The following TEX264 variants were observed in gnomAD, a reference collection of about 807,000 sequenced individuals.
The protein encoded by TEX264 is testis-expressed protein 264.
Under a neutral mutation model 23.4 loss-of-function variants are expected in TEX264, and 13 were observed. The observed-to-expected ratio is 0.56, with a 90% confidence interval of 0.36 to 0.88. TEX264 has a LOEUF of 0.88. TEX264 is among the 40% of genes least tolerant of loss of function. The probability of loss-of-function intolerance (pLI) is 0.01; values close to 1 mark genes in which losing one functional copy is unlikely to be tolerated. For synonymous variants in TEX264, 159 were observed against 170.0 expected (o/e 0.94, Z 0.50); for missense variants, 340 against 406.8 (o/e 0.84, Z 1.41).
chr3:51,695,665 G>T (rs958850131), intron 3 of TEX264, among the ~76,000 whole-genome samples: 5 of 152,208 alleles, frequency 3.3e-5, no homozygotes, highest in African/African-American at 1.2e-4. Flanking sequence ...AGCTGAATGG[G>T]GTAAATGCCT....
Position 51,684,477 on chromosome 3 carries a change from C to A in TEX264, c.323C>A (p.Ser108Tyr). The change falls in exon 3 of 5, where the codon TCC (serine) becomes TAC (tyrosine). Residue 108 changes from serine (S) to tyrosine (Y), a missense_variant. Transcript: ENST00000341333. ...CTGAGTGAAGGTGAGGAATCGCCCTCCCCTGAGCTCATCGACCTCTACCAG... is the reference window on the plus strand; with the variant it reads ...CTGAGTGAAGGTGAGGAATCGCCCTACCCTGAGCTCATCGACCTCTACCAG... ...SILSEGEESPSPELIDLYQKF... is the reference protein window; with the variant it reads ...SILSEGEESPYPELIDLYQKF... 2 of 1,614,208 alleles carry A rather than the reference C, an allele frequency of 1.2e-6. No individual in the cohort carries two copies. The highest frequency in any genetic ancestry group is 1.7e-6 in the Non-Finnish European group (2 of 1,180,036).
chr3:51,699,385 C>T (rs1214577329), intron 3 of TEX264, 21 bp from the exon 4 acceptor site: 1 of 1,611,416 alleles, frequency 6.2e-7, no homozygotes, highest in East Asian at 2.2e-5. Flanking sequence ...CTCATTCTAC[C>T]TTTTGCCACT....
intron 3 of TEX264, among the ~76,000 whole-genome samples, chr3:51,690,746 CTT>C (rs767518958): frequency 2.6e-5 from 4 of 152,236 alleles, no homozygotes; most frequent in Non-Finnish European, 4.4e-5. Context: ...ACTGAGGTCT[CTT>C]GTGTGTGTCA....
intron 2 of TEX264, among the ~76,000 whole-genome samples, chr3:51,681,029 G>A (rs1348160757): frequency 1.3e-5 from 2 of 152,200 alleles, no homozygotes; most frequent in African/African-American, 2.4e-5. Flanking sequence ...ACTTTGCATG[G>A]GGCCACTTAG....
intron 3 of TEX264, among the ~76,000 whole-genome samples, chr3:51,694,081 GTCCGTCCTTCCTTCCT>G (rs1702953718): frequency 1.8e-5 from 1 of 56,762 alleles, no homozygotes; most frequent in East Asian, 4.6e-4. Context: ...CCTTCCTTCC[GTCCGTCCTTCCTTCCT>G]TCCTTCCTTC....
intron 4 of TEX264, among the ~76,000 whole-genome samples, chr3:51,702,169 A>G (rs1180093457): frequency 6.6e-6 from 1 of 152,160 alleles, no homozygotes; most frequent in Non-Finnish European, 1.5e-5. Flanking sequence ...AGGGCCAGGG[A>G]GAAACTGTCT....
At chr3:51,683,849 G>C (rs1373956780) in intron 2 of TEX264, 1 of 156,432 alleles carries the variant, frequency 6.4e-6, no homozygotes, top group East Asian at 1.9e-4. Flanking sequence ...GGAGGGCTCT[G>C]AGCTCTTTAT....
At position 51,677,945 on chromosome 3, in the gene TEX264, G is replaced by A. The variant is rs147062552; in HGVS notation, c.258+3383G>A. Among the ~76,000 whole-genome samples, 429 of 152,300 alleles carry A rather than the reference G, an allele frequency of 2.8e-3. 3 individuals are homozygous for A. The highest frequency in any genetic ancestry group is 9.8e-3 in the African/African-American group (407 of 41,568). On this transcript the variant is annotated intron_variant, in intron 2 of 4. Transcript: ENST00000341333. ...GTCTTTTGGGAAGTGGACAGACCCT[G>A]GCAGGGGCTCATGGGTGTACTCACC...
intron 3 of TEX264, among the ~76,000 whole-genome samples, chr3:51,688,770 G>A (rs1291314802): frequency 1.3e-5 from 2 of 152,152 alleles, no homozygotes; most frequent in East Asian, 3.9e-4. Flanking sequence ...GAGCCTGTGA[G>A]GGGAACCTTG....
At position 51,703,830 on chromosome 3, in the gene TEX264, G is replaced by T. The variant is rs200027537; in HGVS notation, c.756G>T (p.Trp252Cys). The stretch of plus-strand genomic sequence containing the variant: ...CACCTGGGGCGAGCAGCCGTGGCTG[G>T]GATGACGGTGACACCCGCAGCGAGC... ...TLSPGASSRG[W>C]DDGDTRSEHS... is the part of the protein sequence containing the mutation. The change falls in exon 5 of 5, where the codon TGG (tryptophan) becomes TGT (cysteine). Residue 252 changes from tryptophan (W) to cysteine (C), a missense_variant. Transcript: ENST00000341333. The surrounding 1 kb of genome is among the most constrained non-coding windows in gnomAD (Gnocchi z 4.8). The T allele has an allele frequency of 6.2e-7, 1 of 1,612,882 alleles. No homozygotes were observed. Among genetic ancestry groups the T allele is most frequent in the Admixed American group, 1.7e-5 (1 of 59,988 alleles).
At chr3:51,677,948 A>C (rs1702285949) in intron 2 of TEX264, among the ~76,000 whole-genome samples, 1 of 152,152 alleles carries the variant, frequency 6.6e-6, no homozygotes, top group Non-Finnish European at 1.5e-5. Flanking sequence ...AGACCCTGGC[A>C]GGGGCTCATG....
At chr3:51,678,474 G>A (rs1385474427) in intron 2 of TEX264, among the ~76,000 whole-genome samples, 2 of 152,248 alleles carry the variant, frequency 1.3e-5, no homozygotes, top group Admixed American at 6.5e-5. Flanking sequence ...TGGGGAGCCT[G>A]GCTGGGGCAA....
chr3:51,696,621 C>G (rs1171125351), intron 3 of TEX264, among the ~76,000 whole-genome samples: 2 of 152,200 alleles, frequency 1.3e-5, no homozygotes. Context: ...CCAGCCCCCA[C>G]TAGAGTCATT....
At chr3:51,685,440 A>G (rs985332139) in intron 3 of TEX264, among the ~76,000 whole-genome samples, 3 of 152,222 alleles carry the variant, frequency 2.0e-5, no homozygotes, top group Non-Finnish European at 4.4e-5. Context: ...GGTGGTGAAG[A>G]TAGGTAATAA....
chr3:51,687,059 G>A (rs541599974), intron 3 of TEX264, among the ~76,000 whole-genome samples: 1 of 152,328 alleles, frequency 6.6e-6, no homozygotes, highest in African/African-American at 2.4e-5. Flanking sequence ...GCTCCCATGG[G>A]AGCCTGTCAG....
intron 1 of TEX264, among the ~76,000 whole-genome samples, chr3:51,673,561 T>C (rs1420248227): frequency 6.6e-6 from 1 of 152,220 alleles, no homozygotes; most frequent in Non-Finnish European, 1.5e-5. Flanking sequence ...TTGTTAACAT[T>C]GGTGGTTCAA....
chr3:51,676,173 G>A (rs1003747088), intron 2 of TEX264, among the ~76,000 whole-genome samples: 1 of 152,184 alleles, frequency 6.6e-6, no homozygotes, highest in Non-Finnish European at 1.5e-5. Flanking sequence ...GGGCTCCGTT[G>A]TGTAAGGCCC....
rs111525274 is a variant in TEX264, at chr3:51,692,628, C to G, written c.481-6778C>G. Among the ~76,000 whole-genome samples the G allele has an allele frequency of 6.2e-3, 950 of 152,360 alleles. 7 individuals carry two copies. The highest frequency in any genetic ancestry group is 0.022 in the African/African-American group (895 of 41,590). The stretch of plus-strand genomic sequence containing the variant: ...ATCTGTACGAGCAGCCTTCCTGCTG[C>G]TGGATAATCATCAGCAACCAGTTTG... On this transcript the variant is annotated intron_variant, in intron 3 of 4. Coordinates refer to ENST00000341333, the MANE Select transcript of TEX264 (RefSeq NM_015926.6).
chr3:51,684,198 G>A (rs1192647103), intron 2 of TEX264: 2 of 579,920 alleles, frequency 3.4e-6, no homozygotes, highest in East Asian at 2.9e-5. Context: ...GTTTGTTGAA[G>A]GAATAGATGA....
Sources: gnomAD v4.1 joint callset for allele counts (sites outside exome capture counted in the v4.1 genomes callset) on GRCh38, gnomAD v4.1.1 for gene constraint, Gnocchi (gnomAD v3.1) non-coding constraint, MANE v1.5 for transcripts, NCBI Gene and HGNC (gene_info 2026-07-23, HGNC 2026-07-21) for gene names.